The following WDR70 variants were observed in gnomAD, a reference collection of about 807,000 sequenced individuals.
WDR70 encodes the protein WD repeat domain 70, also known as WD repeat-containing protein 70.
A neutral mutation model predicts 88.6 loss-of-function variants in WDR70; 53 were observed. The ratio of observed to expected loss-of-function variants is 0.60; its 90% CI spans 0.48 to 0.75. The LOEUF (loss-of-function observed/expected upper bound fraction) is 0.75. WDR70 is among the 30% of genes least tolerant of loss of function. WDR70 has a pLI of 0.00. For synonymous variants in WDR70, 280 were observed against 270.0 expected, an observed-to-expected ratio of 1.04 and a Z score of -0.36; for missense variants, 610 against 823.2, an observed-to-expected ratio of 0.74 and a Z score of 3.17.
chr5:37,461,422 A>C lies in WDR70; in HGVS notation c.686+18050A>C, dbSNP rs374475962. On this transcript the variant is annotated intron_variant, in intron 7 of 17. Transcript: ENST00000265107. ...TTTGAGGGAGCTGGGGCTGAGAGTA[A>C]TCCTTGTGTGTGTGTTGGGGAGTCT... Among the ~76,000 whole-genome samples the C allele has an allele frequency of 3.3e-5, 5 of 152,088 alleles. No individual in the cohort carries two copies. The South Asian group carries it at 1.0e-3, about 32-fold the overall frequency.
At chr5:37,505,411 C>T (rs537982243) in intron 8 of WDR70, among the ~76,000 whole-genome samples, 1 of 152,074 alleles carries the variant, frequency 6.6e-6, no homozygotes, top group African/African-American at 2.4e-5. Flanking sequence ...TGGAACTTGC[C>T]TCTGGTATTG....
intron 9 of WDR70, among the ~76,000 whole-genome samples, chr5:37,523,829 G>A (rs145456529): frequency 0.01 from 1,526 of 152,286 alleles, 37 homozygotes; most frequent in East Asian, 0.069. Context: ...ACTATGCGAC[G>A]CATGCACAAG....
chr5:37,477,405 T>C (rs956765403), intron 7 of WDR70, among the ~76,000 whole-genome samples: 5 of 152,226 alleles, frequency 3.3e-5, no homozygotes, highest in African/African-American at 1.2e-4. Flanking sequence ...TTCCCCCACA[T>C]ACTTATTACC....
At chr5:37,388,392 A>T (rs1057480153) in intron 3 of WDR70, among the ~76,000 whole-genome samples, 1 of 147,872 alleles carries the variant, frequency 6.8e-6, no homozygotes, top group Non-Finnish European at 1.5e-5. Context: ...TTGGGATTAC[A>T]GGCGTGAGCC....
intron 9 of WDR70, among the ~76,000 whole-genome samples, chr5:37,584,915 A>G (rs754434311): frequency 4.0e-5 from 6 of 151,216 alleles, no homozygotes; most frequent in Non-Finnish European, 8.8e-5. Flanking sequence ...TGCTTCTGTC[A>G]GAAGGTAGTA....
chr5:37,567,765 G>T (rs983828975), intron 9 of WDR70, among the ~76,000 whole-genome samples: 1 of 152,014 alleles, frequency 6.6e-6, no homozygotes, highest in African/African-American at 2.4e-5. Flanking sequence ...TTGGCAGATC[G>T]CAGTGTTCTA....
intron 8 of WDR70, among the ~76,000 whole-genome samples, chr5:37,515,677 T>C (rs190329916): frequency 6.6e-6 from 1 of 152,380 alleles, no homozygotes; most frequent in East Asian, 1.9e-4. Context: ...CTTAAATATG[T>C]ACATTTTACT....
intron 5 of WDR70, among the ~76,000 whole-genome samples, chr5:37,410,995 G>A (rs551812864): frequency 4.7e-4 from 71 of 152,282 alleles, no homozygotes; most frequent in Admixed American, 7.8e-4. Flanking sequence ...CTTTATTCTC[G>A]CTTTATTTTG....
chr5:37,624,088 T>C (rs1353250363), intron 10 of WDR70, among the ~76,000 whole-genome samples: 3 of 152,150 alleles, frequency 2.0e-5, no homozygotes, highest in African/African-American at 7.2e-5. Context: ...TTTGAAAGTA[T>C]ATAATATTTA....
intron 9 of WDR70, among the ~76,000 whole-genome samples, chr5:37,527,451 T>G (rs956245334): frequency 9.2e-5 from 14 of 152,208 alleles, no homozygotes; most frequent in African/African-American, 3.4e-4. Context: ...TGAAACTGGA[T>G]CCCTTCCTTA....
chr5:37,415,818 C>T (rs896645863), intron 5 of WDR70, among the ~76,000 whole-genome samples: 1 of 148,680 alleles, frequency 6.7e-6, no homozygotes, highest in African/African-American at 2.5e-5. Flanking sequence ...AGAGACGCTC[C>T]TCACCTCCCA....
At chr5:37,397,731 A>T (rs1226092636) in intron 5 of WDR70, among the ~76,000 whole-genome samples, 1 of 152,234 alleles carries the variant, frequency 6.6e-6, no homozygotes, top group African/African-American at 2.4e-5. Context: ...ATAGTGGCTC[A>T]CATCTGTAAT....
intron 10 of WDR70, among the ~76,000 whole-genome samples, chr5:37,647,760 C>G (rs1745277719): frequency 6.6e-6 from 1 of 152,184 alleles, no homozygotes; most frequent in African/African-American, 2.4e-5. Flanking sequence ...GCAAGAGTCT[C>G]CCTGTGCTGA....
At chr5:37,630,767 A>G (rs1372254675) in intron 10 of WDR70, among the ~76,000 whole-genome samples, 5 of 152,212 alleles carry the variant, frequency 3.3e-5, no homozygotes, top group Non-Finnish European at 7.3e-5. Context: ...GGAGAAGTGC[A>G]GTAGGGCTAC....
intron 7 of WDR70, among the ~76,000 whole-genome samples, chr5:37,454,738 C>G (rs1242073382): frequency 6.6e-6 from 1 of 152,102 alleles, no homozygotes; most frequent in East Asian, 1.9e-4. Context: ...ATTTTTCCTC[C>G]TCTTTCTTTT....
chr5:37,639,948 T>C (rs1057400958), intron 10 of WDR70, among the ~76,000 whole-genome samples: 3 of 152,200 alleles, frequency 2.0e-5, no homozygotes, highest in African/African-American at 7.2e-5. Flanking sequence ...TTGGTGTTAC[T>C]ATTATTCTCA....
intron 9 of WDR70, among the ~76,000 whole-genome samples, chr5:37,542,115 G>C (rs1034341595): frequency 7.2e-5 from 11 of 152,100 alleles, no homozygotes; most frequent in Non-Finnish European, 1.3e-4. Context: ...TAGGCTCTCA[G>C]TGATATACCA....
At chr5:37,586,872 A>G (rs1743379258) in intron 9 of WDR70, among the ~76,000 whole-genome samples, 1 of 151,968 alleles carries the variant, frequency 6.6e-6, no homozygotes, top group African/African-American at 2.4e-5. Context: ...CAGACCCTAT[A>G]CAACAAGATT....
At chr5:37,397,142 G>GCCCCCCCCCCCC (rs35440886) in intron 5 of WDR70, among the ~76,000 whole-genome samples, 2 of 120,384 alleles carry the variant, frequency 1.7e-5, no homozygotes, top group African/African-American at 6.2e-5. Flanking sequence ...GTCTCAAACC[G>GCCCCCCCCCCCC]CCCCCCCCAA....
Sources: gnomAD v4.1 joint callset for allele counts (sites outside exome capture counted in the v4.1 genomes callset) on GRCh38, gnomAD v4.1.1 for gene constraint, MANE v1.5 for transcripts, NCBI Gene and HGNC (gene_info 2026-07-23, HGNC 2026-07-21) for gene names.